Variants in YWHAQ observed in about 807,000 individuals in gnomAD.
The protein encoded by YWHAQ is tyrosine 3-monooxygenase/tryptophan 5-monooxygenase activation protein theta.
YWHAQ carries 6 observed loss-of-function variants against 28.3 expected under a neutral mutation model. The observed-to-expected ratio is 0.21, with a 90% CI of 0.12 to 0.42. YWHAQ has a LOEUF of 0.42. Among genes scored for constraint, YWHAQ ranks in the 10% least tolerant of loss-of-function variants. The pLI, the probability that YWHAQ is intolerant of heterozygous loss-of-function variation, is 1.00. For missense variants in YWHAQ, 201 were observed against 305.6 expected (o/e 0.66, Z 2.55); for synonymous variants, 143 against 119.1 (o/e 1.20, Z -1.31).
At chr2:9,586,165 A>G (rs550763844) in intron 5 of YWHAQ, among the ~76,000 whole-genome samples, 1 of 152,342 alleles carries the variant, frequency 6.6e-6, no homozygotes, top group East Asian at 1.9e-4. Context: ...AGAATTAAAT[A>G]GAAGTGGGTG....
intron 2 of YWHAQ, among the ~76,000 whole-genome samples, chr2:9,623,231 T>G (rs1442001014): frequency 2.0e-5 from 3 of 152,248 alleles, no homozygotes; most frequent in South Asian, 2.1e-4. Context: ...CACCAGATTT[T>G]TGTTAGCCTT....
chr2:9,585,415 A>T (rs1446495138), intron 5 of YWHAQ, 70 bp from the exon 6 acceptor site: 7 of 1,533,558 alleles, frequency 4.6e-6, no homozygotes, highest in Non-Finnish European at 6.3e-6. Context: ...GTATTGTTAT[A>T]TCAAAATTAA....
intron 2 of YWHAQ, among the ~76,000 whole-genome samples, chr2:9,624,400 G>C (rs1208265936): frequency 5.9e-5 from 9 of 152,160 alleles, no homozygotes; most frequent in Non-Finnish European, 7.3e-5. Context: ...AAGAGGTTCA[G>C]GTAAGATATC....
chr2:9,618,018 A>G (rs7562098), intron 2 of YWHAQ, among the ~76,000 whole-genome samples: 4,893 of 152,220 alleles, frequency 0.032, 274 homozygotes, highest in African/African-American at 0.11. Flanking sequence ...AAAACACTAC[A>G]TATTATATGA....
intron 2 of YWHAQ, among the ~76,000 whole-genome samples, chr2:9,604,395 T>C (rs981791000): frequency 5.3e-5 from 8 of 152,208 alleles, no homozygotes; most frequent in Non-Finnish European, 8.8e-5. Context: ...TATTTCACAG[T>C]ATTCACTATG....
At position 9,589,538 on chromosome 2, in the gene YWHAQ, G is replaced by A. The variant is rs1439667585; in HGVS notation, c.419-1210C>T. ...GCGGAGCTTACGGTGAGCCAAGATC[G>A]CGCCATTGCACTTCAACCTGGGCAA... On this transcript the variant is annotated intron_variant, in intron 3 of 5. Coordinates refer to ENST00000238081, the MANE Select transcript of YWHAQ (RefSeq NM_006826.4). Among the ~76,000 whole-genome samples the A allele has an allele frequency of 3.9e-5, 6 of 152,066 alleles. No homozygotes were observed. In the South Asian group the frequency reaches 6.2e-4, roughly 16 times the overall value.
intron 2 of YWHAQ, among the ~76,000 whole-genome samples, chr2:9,629,122 C>T (rs1055899638): frequency 6.6e-6 from 1 of 151,870 alleles, no homozygotes; most frequent in Non-Finnish European, 1.5e-5. Context: ...TTTGAAAAAT[C>T]CCCAGTCTAG....
intron 4 of YWHAQ, 71 bp downstream of exon 4, chr2:9,588,094 C>T: frequency 1.4e-6 from 2 of 1,457,038 alleles, no homozygotes; most frequent in Non-Finnish European, 1.8e-6. Flanking sequence ...AGTAAAATAC[C>T]TATAAATTAA....
intron 2 of YWHAQ, among the ~76,000 whole-genome samples, chr2:9,610,081 G>C (rs16867074): frequency 0.13 from 20,438 of 152,118 alleles, 1,669 homozygotes; most frequent in African/African-American, 0.23. Flanking sequence ...AATCTACCAA[G>C]TGTCTGCCTT....
At chr2:9,589,186 A>C (rs1666406607) in intron 3 of YWHAQ, among the ~76,000 whole-genome samples, 1 of 151,686 alleles carries the variant, frequency 6.6e-6, no homozygotes, top group African/African-American at 2.4e-5. Context: ...GAAAAAAAAC[A>C]TGAGATATTA....
intron 2 of YWHAQ, among the ~76,000 whole-genome samples, chr2:9,612,471 C>G (rs1007448301): frequency 2.0e-5 from 3 of 152,166 alleles, no homozygotes; most frequent in African/African-American, 7.2e-5. Context: ...ACCACCACAG[C>G]AGGGTGAGAA....
intron 2 of YWHAQ, among the ~76,000 whole-genome samples, chr2:9,602,859 AAAAATATATATATATAT>A (rs1416955859): frequency 7.2e-5 from 1 of 13,942 alleles, no homozygotes; most frequent in African/African-American, 2.9e-4. Flanking sequence ...AAAAAAAAAA[AAAAATATATATATATAT>A]ATATATATAT....
chr2:9,597,983 C>CTG (rs1558543507), intron 2 of YWHAQ, among the ~76,000 whole-genome samples: 1 of 79,090 alleles, frequency 1.3e-5, no homozygotes, highest in Non-Finnish European at 2.3e-5. Context: ...CCATGCCGGG[C>CTG]TATTTTTTTT....
chr2:9,597,564 T>C (rs1402147903), intron 2 of YWHAQ, among the ~76,000 whole-genome samples: 5 of 141,940 alleles, frequency 3.5e-5, no homozygotes, highest in African/African-American at 1.3e-4. Flanking sequence ...GAGAATCGCT[T>C]GAAACTGAAA....
At chr2:9,589,870 T>C (rs1170275732) in intron 3 of YWHAQ, among the ~76,000 whole-genome samples, 1 of 152,116 alleles carries the variant, frequency 6.6e-6, no homozygotes, top group Admixed American at 6.5e-5. Context: ...TTGAAAAGGG[T>C]AGTTTTCTGT....
intron 2 of YWHAQ, among the ~76,000 whole-genome samples, chr2:9,593,895 G>A (rs1368014883): frequency 2.8e-5 from 2 of 71,418 alleles, no homozygotes; most frequent in Non-Finnish European, 5.7e-5. Context: ...ATTTTAAATA[G>A]ATTAAAAAAA....
At chr2:9,604,740 G>T (rs1338226598) in intron 2 of YWHAQ, among the ~76,000 whole-genome samples, 1 of 152,190 alleles carries the variant, frequency 6.6e-6, no homozygotes, top group African/African-American at 2.4e-5. Context: ...AGTATTCAAG[G>T]AGGTGCTGAA....
rs993160517 is a variant in YWHAQ, at chr2:9,630,049, C to T, written c.294+110G>A. The T allele has an allele frequency of 1.8e-5, 26 of 1,441,124 alleles. No homozygotes were observed. The highest frequency in any genetic ancestry group is 2.3e-5 in the Non-Finnish European group (24 of 1,060,108). The allele number at this position is 1,441,124 out of a possible 1,614,324, so 89.3% of individuals were successfully genotyped here. On this transcript the variant is annotated intron_variant, in intron 2 of 5. Coordinates refer to ENST00000238081, the MANE Select transcript of YWHAQ (RefSeq NM_006826.4). The surrounding 1 kb of genome is among the most constrained non-coding windows in gnomAD (Gnocchi z 5.6). ...AGGGCTCACCTAAAACCCTCCACCCCAGCAGACAGTCCGGCAAGCCCCGGC... is the reference window on the plus strand; with the variant it reads ...AGGGCTCACCTAAAACCCTCCACCCTAGCAGACAGTCCGGCAAGCCCCGGC...
At position 9,605,185 on chromosome 2, in the gene YWHAQ, C is replaced by T. The variant is rs1014319565; in HGVS notation, c.295-13670G>A. 4.9e-5 allele frequency among the ~76,000 whole-genome samples: 7 copies of T among 141,856 alleles called. No homozygotes were observed. The Admixed American group carries it at 5.0e-4, about 10-fold the overall frequency. The allele number at this position is 141,856 out of a possible 152,430, so 93.1% of individuals were successfully genotyped here. ...ACAGGGTCTCACTCTGTTGCTCATGCTAGAATACAGTGGCATCATCTCAGC... is the reference window on the plus strand; with the variant it reads ...ACAGGGTCTCACTCTGTTGCTCATGTTAGAATACAGTGGCATCATCTCAGC... On this transcript the variant is annotated intron_variant, in intron 2 of 5. Transcript: ENST00000238081.
Sources: allele counts gnomAD v4.1 joint callset (sites outside exome capture counted in the v4.1 genomes callset), GRCh38; gene constraint gnomAD v4.1.1; non-coding constraint Gnocchi (gnomAD v3.1); transcripts MANE v1.5; gene names NCBI Gene and HGNC (gene_info 2026-07-23, HGNC 2026-07-21).